The following HPSE2 variants were observed in gnomAD, a reference collection of about 807,000 sequenced individuals.
HPSE2 encodes inactive heparanase-2.
Under a neutral mutation model 60.5 loss-of-function variants are expected in HPSE2, and 38 were observed. The observed-to-expected ratio is 0.63, with a 90% CI of 0.48 to 0.82. HPSE2 has a LOEUF of 0.82. Ranked by LOEUF, HPSE2 falls within the 40% of genes least tolerant of loss-of-function variation. HPSE2 has a pLI of 0.00. For synonymous variants in HPSE2, 295 were observed against 293.2 expected (o/e 1.01, Z -0.06); for missense variants, 713 against 740.4 (o/e 0.96, Z 0.43).
chr10:98,790,719 C>A (rs1950637177), intron 3 of HPSE2, among the ~76,000 whole-genome samples: 1 of 152,028 alleles, frequency 6.6e-6, no homozygotes, highest in African/African-American at 2.4e-5. Flanking sequence ...GTACACAGAT[C>A]AAAATATCAC....
At chr10:99,267,601 G>A in the HPSE2 span, among the ~76,000 whole-genome samples, 1 of 151,908 alleles carries the variant, frequency 6.6e-6, no homozygotes, top group African/African-American at 2.4e-5. Context: ...GGCCAATATG[G>A]TGAAACCCCA....
chr10:98,950,933 T>G (rs535665500), intron 3 of HPSE2, among the ~76,000 whole-genome samples: 2 of 152,188 alleles, frequency 1.3e-5, no homozygotes, highest in East Asian at 3.8e-4. Context: ...TGTTTACACA[T>G]GTACTGACCT....
At chr10:99,293,551 T>C in the HPSE2 span, among the ~76,000 whole-genome samples, 1 of 152,210 alleles carries the variant, frequency 6.6e-6, no homozygotes, top group Admixed American at 6.5e-5. Flanking sequence ...CATTTTGTTC[T>C]TCCTATAAAA....
In HPSE2 at chr10:98,656,247, G is replaced by A. The variant is rs72840532; in HGVS notation, c.1005-14307C>T. Among the ~76,000 whole-genome samples, 1,143 of 152,094 alleles carry A rather than the reference G, an allele frequency of 7.5e-3. 8 individuals are homozygous for A. The highest frequency in any genetic ancestry group is 0.027 in the South Asian group (128 of 4,806). On this transcript the variant is annotated intron_variant, in intron 6 of 11. Coordinates refer to ENST00000370552, the MANE Select transcript of HPSE2 (RefSeq NM_021828.5). ...ACTACAGGCGCATCCCACCACACCC[G>A]GCTAATGCTTTGTAATTTTAGTACA... is the stretch of plus-strand genomic sequence containing the variant.
chr10:98,603,880 C>G (rs577679221), intron 9 of HPSE2, among the ~76,000 whole-genome samples: 1 of 152,020 alleles, frequency 6.6e-6, no homozygotes, highest in Non-Finnish European at 1.5e-5. Context: ...AAGGGAAATA[C>G]CAACTCCAGC....
intron 3 of HPSE2, among the ~76,000 whole-genome samples, chr10:98,942,975 G>T (rs372886359): frequency 3.5e-4 from 52 of 150,426 alleles, no homozygotes; most frequent in African/African-American, 1.2e-3. Context: ...GTAAACTATC[G>T]CAAGGACAAA....
At chr10:98,914,013 T>C (rs1432840911) in intron 3 of HPSE2, among the ~76,000 whole-genome samples, 1 of 152,176 alleles carries the variant, frequency 6.6e-6, no homozygotes. Context: ...TTTAGTACTA[T>C]TCCTTCAACA....
At chr10:98,852,113 A>ATATATG (rs779720749) in intron 3 of HPSE2, among the ~76,000 whole-genome samples, 7,017 of 91,066 alleles carry the variant, frequency 0.077, 305 homozygotes, top group Non-Finnish European at 0.1. Flanking sequence ...GTATATTATG[A>ATATATG]TGTGTGTGTG....
At chr10:98,946,385 A>G (rs11815058) in intron 3 of HPSE2, among the ~76,000 whole-genome samples, 1 of 151,676 alleles carries the variant, frequency 6.6e-6, no homozygotes, top group African/African-American at 2.4e-5. Flanking sequence ...AGGCAGGAGC[A>G]TCGTTTCAGC....
At chr10:98,874,826 T>C (rs1390060668) in intron 3 of HPSE2, among the ~76,000 whole-genome samples, 2 of 152,090 alleles carry the variant, frequency 1.3e-5, no homozygotes, top group Admixed American at 1.3e-4. Context: ...TGAAGGGATG[T>C]TGAATTTTAT....
chr10:98,955,579 C>T (rs536906421), intron 3 of HPSE2, among the ~76,000 whole-genome samples: 2 of 152,188 alleles, frequency 1.3e-5, no homozygotes, highest in South Asian at 4.2e-4. Context: ...TCAGAAATAC[C>T]ATTTGACCCA....
intron 3 of HPSE2, among the ~76,000 whole-genome samples, chr10:99,011,310 A>G (rs904678442): frequency 6.6e-6 from 1 of 152,204 alleles, no homozygotes; most frequent in Non-Finnish European, 1.5e-5. Flanking sequence ...TTCACATTTT[A>G]CAGAAAGGAA....
Position 99,094,596 on chromosome 10 carries a change from G to A in HPSE2, c.610+49642C>T, listed in dbSNP as rs533780249. The stretch of plus-strand genomic sequence containing the variant: ...TTCTGAGACAGAGTCTTTCTCTGTG[G>A]CCCAGGCTGGAGTGCAGTGGTGCCA... On this transcript the variant is annotated intron_variant, in intron 3 of 11. Coordinates refer to ENST00000370552, the MANE Select transcript of HPSE2 (RefSeq NM_021828.5). 9.4e-5 allele frequency among the ~76,000 whole-genome samples: 11 copies of A among 117,348 alleles called. No homozygotes were observed. The East Asian group carries it at 2.9e-3, about 31-fold the overall frequency. The allele number at this position is 117,348 out of a possible 152,430, so 77.0% of individuals were successfully genotyped here.
intron 3 of HPSE2, among the ~76,000 whole-genome samples, chr10:99,080,865 A>C (rs1843109584): frequency 6.6e-6 from 1 of 152,158 alleles, no homozygotes; most frequent in Non-Finnish European, 1.5e-5. Context: ...TCTTACAGAC[A>C]CATGTTGGTT....
intron 5 of HPSE2, among the ~76,000 whole-genome samples, chr10:98,717,025 C>T (rs913014884): frequency 6.6e-6 from 1 of 152,018 alleles, no homozygotes; most frequent in Non-Finnish European, 1.5e-5. Context: ...TGTTTAGTCA[C>T]TTTCATTAAT....
rs547025761 is a variant in HPSE2 at position 98,709,122 on chromosome 10, T to G, written c.956+12535A>C. On this transcript the variant is annotated intron_variant, in intron 5 of 11. Coordinates refer to ENST00000370552, the MANE Select transcript of HPSE2 (RefSeq NM_021828.5). ...TTCAAATCTAACATTGATAGATTGT[T>G]CTGCTCTCTAGTTCTGCCTGTTTCT... Among the ~76,000 whole-genome samples, 4 of 152,358 alleles carry G rather than the reference T, an allele frequency of 2.6e-5. No homozygotes were observed. In the South Asian group the frequency reaches 8.3e-4, roughly 32 times the overall value.
chr10:99,179,033 AAT>A (rs760027388), intron 2 of HPSE2, among the ~76,000 whole-genome samples: 1 of 152,172 alleles, frequency 6.6e-6, no homozygotes, highest in African/African-American at 2.4e-5. Flanking sequence ...TAATTATCTC[AAT>A]AGATGCAGAA....
At chr10:98,684,082 T>C (rs1489525284) in intron 6 of HPSE2, among the ~76,000 whole-genome samples, 1 of 152,198 alleles carries the variant, frequency 6.6e-6, no homozygotes, top group African/African-American at 2.4e-5. Context: ...TGTTGACCTC[T>C]CATTTATCTT....
Position 98,537,539 on chromosome 10 carries a change from T to C in HPSE2, c.1321-47343A>G, listed in dbSNP as rs200444307. Among the ~76,000 whole-genome samples, 4 of 152,356 alleles carry C rather than the reference T, an allele frequency of 2.6e-5. No homozygotes were observed. In the East Asian group the frequency reaches 7.7e-4, roughly 29 times the overall value. On this transcript the variant is annotated intron_variant, in intron 9 of 11. Coordinates refer to ENST00000370552, the MANE Select transcript of HPSE2 (RefSeq NM_021828.5). ...ATATTACTCTTTGTTGCATTACTAA[T>C]ATAACCTAGGAATAACCGGCGGGTA...
Sources: gnomAD v4.1 joint callset for allele counts (sites outside exome capture counted in the v4.1 genomes callset) on GRCh38, gnomAD v4.1.1 for gene constraint, MANE v1.5 for transcripts, NCBI Gene and HGNC (gene_info 2026-07-23, HGNC 2026-07-21) for gene names.